The following TRIM42 variants were observed in gnomAD, a reference collection of about 807,000 sequenced individuals.
TRIM42 encodes tripartite motif-containing protein 42.
In TRIM42, 59 loss-of-function variants were observed where a neutral mutation model predicts 64.9. The observed-to-expected ratio is 0.91, with a 90% CI of 0.74 to 1.13. TRIM42 has a LOEUF of 1.13. TRIM42 is among the 50% of genes most tolerant of loss of function. The pLI, the probability that TRIM42 is intolerant of heterozygous loss-of-function variation, is 0.00. For synonymous variants in TRIM42, 354 were observed against 346.3 expected, an observed-to-expected ratio of 1.02 and a Z score of -0.25; for missense variants, 878 against 929.5, an observed-to-expected ratio of 0.94 and a Z score of 0.72.
intron 1 of TRIM42, among the ~76,000 whole-genome samples, chr3:140,681,989 G>A (rs1260258921): frequency 6.6e-6 from 1 of 151,930 alleles, no homozygotes; most frequent in Non-Finnish European, 1.5e-5. Context: ...ATTATTAAGT[G>A]GTCTTGTTTC....
At chr3:140,695,102 G>T (rs1167329706) in intron 4 of TRIM42, among the ~76,000 whole-genome samples, 1 of 152,016 alleles carries the variant, frequency 6.6e-6, no homozygotes, top group Non-Finnish European at 1.5e-5. Context: ...AAAAAAGTCA[G>T]CTGGGTGTGG....
Position 140,688,225 on chromosome 3 carries a change from A to G in TRIM42, c.1543A>G (p.Met515Val), listed in dbSNP as rs548792577. 1.1e-5 allele frequency: 17 copies of G among 1,614,178 alleles called. No homozygotes were observed. The African/African-American group carries it at 1.7e-4, about 16-fold the overall frequency. The change falls in exon 3 of 5, where the codon ATG becomes GTG. Residue 515 changes from methionine (M) to valine (V), a missense_variant. By Grantham distance (21) the Met-to-Val change is conservative. Transcript: ENST00000286349. ...CCCCTACCCCGTGCACTCAGAAACA[A>G]TGATTGCCAGGAAGGTCACTTTCAG... The part of the protein sequence containing the change: ...PSPYPVHSET[M>V]IARKVTFSTH...
chr3:140,683,752 G>A (rs1321175240), intron 2 of TRIM42, among the ~76,000 whole-genome samples: 2 of 152,166 alleles, frequency 1.3e-5, no homozygotes, highest in African/African-American at 4.8e-5. Flanking sequence ...TATAACAACA[G>A]GGACAACTCT....
intron 4 of TRIM42, among the ~76,000 whole-genome samples, chr3:140,699,277 T>C (rs954293268): frequency 6.6e-6 from 1 of 152,200 alleles, no homozygotes; most frequent in Admixed American, 6.5e-5. Flanking sequence ...ATAAGGGAAT[T>C]GGGCTCAATT....
chr3:140,689,766 A>G (rs1988659330), intron 3 of TRIM42, among the ~76,000 whole-genome samples: 1 of 151,218 alleles, frequency 6.6e-6, no homozygotes. Flanking sequence ...ATAACTGAGC[A>G]GCTGAACTAC....
chr3:140,678,473 G>A lies in TRIM42; in HGVS notation c.244G>A (p.Ala82Thr). 1.2e-6 allele frequency: 2 copies of A among 1,614,026 alleles called. No homozygotes were observed. Among genetic ancestry groups the A allele is most frequent in the Non-Finnish European group, 8.5e-7 (1 of 1,179,924 alleles). ...TCCCAACTGTAAGTGCTGCTGCACA[G>A]CCAGCAGCAATCTCAACTGCTACTA... is the stretch of plus-strand genomic sequence containing the variant. ...NDPNCKCCCT[A>T]SSNLNCYYYE... Residue 82 changes from alanine (A) to threonine (T), a missense_variant, in exon 1 of 5, where the codon GCC becomes ACC. By Grantham distance (58) the Ala-to-Thr change is moderately conservative (BLOSUM62 0). Transcript: ENST00000286349.
chr3:140,687,946 G>C lies in TRIM42; in HGVS notation c.1264G>C (p.Glu422Gln). The change falls in exon 3 of 5, where the codon GAG becomes CAG. Residue 422 changes from glutamate to glutamine, a missense_variant. Glu to Gln is a conservative substitution (Grantham distance 29). Transcript: ENST00000286349. Reference protein sequence around the residue: ...YVYVTTMKVNEMDGLIAYSKE... With the variant: ...YVYVTTMKVNQMDGLIAYSKE... ...GTATGTTACAACCATGAAAGTGAAC[G>C]AGATGGATGGTCTGATCGCCTACTC... 1 of 1,614,156 alleles carries C rather than the reference G, an allele frequency of 6.2e-7. No homozygotes were observed. The highest frequency in any genetic ancestry group is 8.5e-7 in the Non-Finnish European group (1 of 1,180,018).
chr3:140,682,966 C>A lies in TRIM42; in HGVS notation c.846C>A (p.Ala282=). The A allele has an allele frequency of 6.2e-7, 1 of 1,614,248 alleles. No individual in the cohort carries two copies. Among genetic ancestry groups the A allele is most frequent in the South Asian group, 1.1e-5 (1 of 91,090 alleles). Residue 282 remains alanine (A), a synonymous_variant, in exon 2 of 5, where the codon GCC becomes GCA. Transcript: ENST00000286349. ...ACCACGTCTTTGTGGACACCAGCGC[C>A]GAGGAACAGGACGAGAAGATCTGCA... The part of the protein sequence containing the change: ...MQDHVFVDTS[A]EEQDEKICIH...
At position 140,688,106 on chromosome 3, in the gene TRIM42, T is replaced by C. The variant is rs1988599630; in HGVS notation, c.1424T>C (p.Val475Ala). 6.2e-7 allele frequency: 1 copy of C among 1,613,870 alleles called. No individual in the cohort carries two copies. The highest frequency in any genetic ancestry group is 1.3e-5 in the African/African-American group (1 of 74,906). ...PQLRLHSINYVPLDFVELSSA... is the reference protein window; with the variant it reads ...PQLRLHSINYAPLDFVELSSA... Reference sequence around the variant, plus strand: ...CTCCGGCTGCACTCAATAAACTACGTGCCCTTGGACTTTGTTGAGCTTTCC... The same window carrying C: ...CTCCGGCTGCACTCAATAAACTACGCGCCCTTGGACTTTGTTGAGCTTTCC... Residue 475 changes from valine (V) to alanine (A), a missense_variant, in exon 3 of 5, where the codon GTG (valine) becomes GCG (alanine). Val to Ala is a moderately conservative substitution (Grantham distance 64). Coordinates refer to ENST00000286349, the MANE Select transcript of TRIM42 (RefSeq NM_152616.5).
At position 140,678,571 on chromosome 3, in the gene TRIM42, G is replaced by A. The variant is rs145462463; in HGVS notation, c.341+1G>A. ...GCCGCCTCAGGAGCATCCATACCTC[G>A]TAAGTGCCAGGCACCAGATGTGGGG... On this transcript the variant is annotated splice_donor_variant, in intron 1 of 4. Transcript: ENST00000286349. LOFTEE classifies it high-confidence loss of function. The A allele has an allele frequency of 2.5e-4, 404 of 1,609,144 alleles. No homozygotes were observed. Among genetic ancestry groups the A allele is most frequent in the Non-Finnish European group, 3.1e-4 (370 of 1,176,874 alleles).
At chr3:140,695,751 T>C (rs1301681821) in intron 4 of TRIM42, among the ~76,000 whole-genome samples, 1 of 152,108 alleles carries the variant, frequency 6.6e-6, no homozygotes, top group Non-Finnish European at 1.5e-5. Context: ...CCTTCAAAGA[T>C]TAGGGTTGGA....
chr3:140,684,463 C>A (rs1988497609), intron 2 of TRIM42, among the ~76,000 whole-genome samples: 1 of 152,156 alleles, frequency 6.6e-6, no homozygotes, highest in Non-Finnish European at 1.5e-5. Context: ...ATCTGTTAGT[C>A]TCCATCATTC....
Position 140,688,507 on chromosome 3 carries a change from A to T in TRIM42, c.1825A>T (p.Ile609Phe). Residue 609 changes from isoleucine (I) to phenylalanine (F), a missense_variant, in exon 3 of 5, where the codon ATC (isoleucine) becomes TTC (phenylalanine). Coordinates refer to ENST00000286349, the MANE Select transcript of TRIM42 (RefSeq NM_152616.5). Reference protein sequence around the residue: ...GSVKTPGPIVIYQTLVYPRAA... With the variant: ...GSVKTPGPIVFYQTLVYPRAA... Reference sequence around the variant, plus strand: ...TGTGAAGACCCCAGGCCCAATTGTTATCTACCAGACTCTGGTGTACCCAAG... The same window carrying T: ...TGTGAAGACCCCAGGCCCAATTGTTTTCTACCAGACTCTGGTGTACCCAAG... 1 of 1,613,658 alleles carries T rather than the reference A, an allele frequency of 6.2e-7. No individual in the cohort carries two copies. Among genetic ancestry groups the T allele is most frequent in the Non-Finnish European group, 8.5e-7 (1 of 1,179,696 alleles).
intron 4 of TRIM42, among the ~76,000 whole-genome samples, chr3:140,692,562 C>CACACACACACACACACACACACACAG (rs375439126): frequency 0.044 from 5,017 of 113,336 alleles, 340 homozygotes; most frequent in Non-Finnish European, 0.071. Flanking sequence ...CACACACACA[C>CACACACACACACACACACACACACAG]AGAGAGAGAT....
chr3:140,689,972 T>C (rs1988664090), intron 3 of TRIM42, among the ~76,000 whole-genome samples: 1 of 152,018 alleles, frequency 6.6e-6, no homozygotes, highest in Non-Finnish European at 1.5e-5. Context: ...CTATTAGTCA[T>C]CCCTGATGAG....
intron 4 of TRIM42, among the ~76,000 whole-genome samples, chr3:140,695,281 C>T (rs1988819763): frequency 1.3e-5 from 2 of 152,020 alleles, no homozygotes; most frequent in South Asian, 2.1e-4. Flanking sequence ...GACTAGCAAC[C>T]TTAATTCCCC....
rs375439126 is a variant in TRIM42 at position 140,692,562 on chromosome 3, C to CACACACACACACACACAG, written c.2085+1371_2085+1372insCACACACACACACACAGA. Among the ~76,000 whole-genome samples, 1,001 of 114,080 alleles carry CACACACACACACACACAG rather than the reference C, an allele frequency of 8.8e-3. 20 individuals are homozygous for CACACACACACACACACAG. Among genetic ancestry groups the CACACACACACACACACAG allele is most frequent in the Middle Eastern group, 0.014 (3 of 212 alleles). The allele number at this position is 114,080 out of a possible 152,430, so 74.8% of individuals were successfully genotyped here. On this transcript the variant is annotated intron_variant, in intron 4 of 4. Transcript: ENST00000286349. ...ACACACACACACACACACACACACA[C>CACACACACACACACACAG]AGAGAGAGATAGAGAGAGAGAGAGA... is the stretch of plus-strand genomic sequence containing the variant.
intron 1 of TRIM42, among the ~76,000 whole-genome samples, chr3:140,681,687 A>T (rs1322002312): frequency 2.6e-5 from 4 of 152,166 alleles, no homozygotes; most frequent in African/African-American, 7.2e-5. Flanking sequence ...GTTGGACAAG[A>T]TTGAATTTAT....
intron 1 of TRIM42, among the ~76,000 whole-genome samples, chr3:140,681,195 A>G (rs1158621185): frequency 6.6e-6 from 1 of 152,254 alleles, no homozygotes; most frequent in East Asian, 1.9e-4. Context: ...CTTAACACAC[A>G]TAAATGAAAC....
Sources: gnomAD v4.1 joint callset for allele counts (sites outside exome capture counted in the v4.1 genomes callset) on GRCh38, gnomAD v4.1.1 for gene constraint, MANE v1.5 for transcripts, NCBI Gene and HGNC (gene_info 2026-07-23, HGNC 2026-07-21) for gene names.